Variants in LETMD1 observed in about 807,000 individuals in gnomAD.
LETMD1 encodes LETM1 domain containing 1, also known as LETM1 domain-containing protein 1.
Under a neutral mutation model 43.9 loss-of-function variants are expected in LETMD1, and 30 were observed. The observed-to-expected ratio is 0.68, with a 90% CI of 0.51 to 0.93. The LOEUF is 0.93. Among genes scored for constraint, LETMD1 ranks in the 40% least tolerant of loss-of-function variants. LETMD1 has a pLI of 0.00. For missense variants in LETMD1, 413 were observed against 447.7 expected (o/e 0.92, Z 0.70); for synonymous variants, 176 against 163.1 (o/e 1.08, Z -0.60).
rs1437803105 is a variant in LETMD1 at position 51,060,358 on chromosome 12, T to TGTAAATGCATG, written c.*928_*938dup. ...GACTTAGAGTTCTGTAATAACTTAT[T>TGTAAATGCATG]GTAAATGCATGAAGCACTGTTTTTA... On this transcript the variant is annotated 3_prime_UTR_variant, in exon 9 of 9. Coordinates refer to ENST00000262055, the MANE Select transcript of LETMD1 (RefSeq NM_015416.5). 6.6e-6 allele frequency: 1 copy of TGTAAATGCATG among 152,448 alleles called. No individual in the cohort carries two copies. The highest frequency in any genetic ancestry group is 1.5e-5 in the Non-Finnish European group (1 of 68,052). 9.4% of individuals were successfully genotyped at this position (152,448 alleles called of 1,614,324 possible).
chr12:51,064,340 A>G (rs756528215), downstream of LETMD1: 3 of 1,614,162 alleles, frequency 1.9e-6, 1 homozygote, highest in South Asian at 3.3e-5. Context: ...CCAGGCTGGC[A>G]CTAGAGCCGC....
intron 1 of LETMD1, 175 bp from the exon 2 acceptor site, chr12:51,048,859 T>C: frequency 6.1e-6 from 4 of 651,504 alleles, no homozygotes; most frequent in Non-Finnish European, 1.0e-5. Context: ...TTTGCCTGAT[T>C]TGTGTTTCAC....
At position 51,059,499 on chromosome 12, in the gene LETMD1, T is replaced by C; in HGVS notation, c.*68T>C. 7.1e-7 allele frequency: 1 copy of C among 1,402,056 alleles called. No individual in the cohort carries two copies. The allele number at this position is 1,402,056 out of a possible 1,614,324, so 86.9% of individuals were successfully genotyped here. The stretch of plus-strand genomic sequence containing the variant: ...ATAGCAGTGCAGGAACAAACAGCAC[T>C]TGCCAGCAAAGTCTGTGTGTACTGT... On this transcript the variant is annotated 3_prime_UTR_variant, in exon 9 of 9. Coordinates refer to ENST00000262055, the MANE Select transcript of LETMD1 (RefSeq NM_015416.5).
Position 51,053,362 on chromosome 12 carries a change from G to A in LETMD1, c.391-416G>A, listed in dbSNP as rs12318187. Among the ~76,000 whole-genome samples, 1,166 of 152,270 alleles carry A rather than the reference G, an allele frequency of 7.7e-3. 10 individuals carry two copies. Among genetic ancestry groups the A allele is most frequent in the African/African-American group, 0.026 (1,089 of 41,546 alleles). On this transcript the variant is annotated intron_variant, in intron 3 of 8. Coordinates refer to ENST00000262055, the MANE Select transcript of LETMD1 (RefSeq NM_015416.5). ...AGAAGTAAATAGAAATAAACTTGGG[G>A]ACCACATGCAGTGCTCATGCCTGTA...
intron 4 of LETMD1, among the ~76,000 whole-genome samples, chr12:51,055,308 A>G (rs926012777): frequency 3.3e-5 from 5 of 152,040 alleles, no homozygotes; most frequent in Non-Finnish European, 7.4e-5. Flanking sequence ...TTCACATCCC[A>G]TTTCAGTAAT....
rs12322602 is a variant in LETMD1, at chr12:51,050,404, G to A, written c.274+1219G>A. On this transcript the variant is annotated intron_variant, in intron 2 of 8. Transcript: ENST00000262055. The stretch of plus-strand genomic sequence containing the variant: ...CACCAGGCTAATTTTTTTATTTTTA[G>A]TAGAGGTGGGGTTTCACCATATTGG... Among the ~76,000 whole-genome samples, 1,154 of 151,738 alleles carry A rather than the reference G, an allele frequency of 7.6e-3. 8 individuals are homozygous for A. The highest frequency in any genetic ancestry group is 0.026 in the African/African-American group (1,077 of 41,392).
At chr12:51,058,592 A>AT (rs531239971) in intron 8 of LETMD1, 32 of 157,066 alleles carry the variant, frequency 2.0e-4, no homozygotes, top group South Asian at 1.4e-3. Flanking sequence ...CTAATTTCGT[A>AT]TTTTTTTTTA....
chr12:51,054,733 C>T (rs948950753), intron 4 of LETMD1, among the ~76,000 whole-genome samples: 35 of 152,212 alleles, frequency 2.3e-4, no homozygotes, highest in African/African-American at 8.2e-4. Context: ...TAGACCTCAG[C>T]TCTCCATGAG....
downstream of LETMD1, chr12:51,063,149 C>T (rs937502386): frequency 6.6e-6 from 1 of 152,176 alleles, no homozygotes; most frequent in Non-Finnish European, 1.5e-5. Context: ...GGTCAGAGAA[C>T]ACCAAACATG....
intron 2 of LETMD1, among the ~76,000 whole-genome samples, chr12:51,050,861 A>G (rs1031075453): frequency 2.0e-5 from 3 of 151,468 alleles, no homozygotes; most frequent in Admixed American, 2.0e-4. Context: ...TAAAAATACA[A>G]AATCAGCCAG....
chr12:51,068,129 A>G, the LETMD1 span, among the ~76,000 whole-genome samples: 31,776 of 152,160 alleles, frequency 0.21, 4,199 homozygotes, highest in East Asian at 0.69. Flanking sequence ...GCTACTGAGC[A>G]CTAGAAATGC....
chr12:51,059,562 G>T lies in LETMD1; in HGVS notation c.*131G>T. On this transcript the variant is annotated 3_prime_UTR_variant, in exon 9 of 9. Transcript: ENST00000262055. ...AGGCAGAGAGAGGAGCAGGGGCCATGGGCTTCACAGCATGGCACACATGTG... is the reference window on the plus strand; with the variant it reads ...AGGCAGAGAGAGGAGCAGGGGCCATTGGCTTCACAGCATGGCACACATGTG... 1 of 769,924 alleles carries T rather than the reference G, an allele frequency of 1.3e-6. No homozygotes were observed. Among genetic ancestry groups the T allele is most frequent in the Non-Finnish European group, 2.3e-6 (1 of 440,530 alleles). 47.7% of individuals were successfully genotyped at this position (769,924 alleles called of 1,614,324 possible).
intron 1 of LETMD1, 36 bp from the exon 2 acceptor site, chr12:51,048,998 C>CTGA: frequency 6.3e-7 from 1 of 1,598,304 alleles, no homozygotes; most frequent in South Asian, 1.1e-5. Context: ...GCTTCTAGGA[C>CTGA]TGATTCCCAG....
chr12:51,066,921 G>C, the LETMD1 span, among the ~76,000 whole-genome samples: 1 of 151,958 alleles, frequency 6.6e-6, no homozygotes, highest in Non-Finnish European at 1.5e-5. Flanking sequence ...ATGCCTCCCA[G>C]GCTCAAGTGA....
upstream of LETMD1, chr12:51,048,235 C>A (rs757675527): frequency 2.2e-6 from 3 of 1,350,070 alleles, no homozygotes; most frequent in Non-Finnish European, 3.2e-6. Context: ...GTGCTGGAGC[C>A]AAGCAGGCTA....
chr12:51,063,921 G>A, downstream of LETMD1: 2 of 1,613,990 alleles, frequency 1.2e-6, no homozygotes, highest in African/African-American at 1.3e-5. Context: ...ACAATCTTCG[G>A]GCAATAGAGC....
At chr12:51,067,585 T>C in the LETMD1 span, 8 of 1,323,230 alleles carry the variant, frequency 6.0e-6, no homozygotes, top group Non-Finnish European at 8.5e-6. The surrounding 1 kb of genome is among the most constrained non-coding windows in gnomAD (Gnocchi z 4.1). Context: ...AATCCACCCC[T>C]GAATGGGCCT....
the LETMD1 span, chr12:51,067,756 A>G: frequency 6.2e-7 from 1 of 1,614,202 alleles, no homozygotes; most frequent in Non-Finnish European, 8.5e-7. This position sits in a 1 kb window ranked among gnomAD's most constrained non-coding sequence, Gnocchi z 4.1. Flanking sequence ...TCTTCCCGTG[A>G]CAGGCGGATG....
At chr12:51,055,275 A>G (rs1947329083) in intron 4 of LETMD1, among the ~76,000 whole-genome samples, 1 of 152,138 alleles carries the variant, frequency 6.6e-6, no homozygotes, top group Non-Finnish European at 1.5e-5. Flanking sequence ...GCTGCGTGGC[A>G]GGCTATTCTG....
Sources: allele counts gnomAD v4.1 joint callset (sites outside exome capture counted in the v4.1 genomes callset), GRCh38; gene constraint gnomAD v4.1.1; non-coding constraint Gnocchi (gnomAD v3.1); transcripts MANE v1.5; gene names NCBI Gene and HGNC (gene_info 2026-07-23, HGNC 2026-07-21).